Variants in BLTP1 observed in about 807,000 individuals in gnomAD.
BLTP1 encodes bridge-like lipid transfer protein family member 1, also known as fragile site-associated protein.
the BLTP1 span, chr4:122,226,784 A>G: frequency 1.2e-6 from 2 of 1,613,386 alleles, no homozygotes; most frequent in African/African-American, 1.3e-5. Flanking sequence ...AAAGACCGAA[A>G]TCAGTTATAA....
At chr4:122,249,713 G>A in the BLTP1 span, 3 of 1,612,018 alleles carry the variant, frequency 1.9e-6, no homozygotes, top group African/African-American at 2.7e-5. Flanking sequence ...TCTGCTTAAG[G>A]TGGGGACAAA....
At chr4:122,287,141 G>A in the BLTP1 span, among the ~76,000 whole-genome samples, 3 of 152,180 alleles carry the variant, frequency 2.0e-5, no homozygotes, top group African/African-American at 7.2e-5. Context: ...TAAATCCTAT[G>A]AGGTAGAAAT....
chr4:122,192,393 T>C, the BLTP1 span: 1 of 1,537,096 alleles, frequency 6.5e-7, no homozygotes, highest in Admixed American at 1.7e-5. Context: ...CTTGAGTATG[T>C]TATATTTCTA....
chr4:122,340,779 T>C, the BLTP1 span: 1 of 981,784 alleles, frequency 1.0e-6, no homozygotes, highest in Non-Finnish European at 1.2e-6. Flanking sequence ...GTAGTGTTGG[T>C]TTTTGAAAAA....
chr4:122,234,198 C>T, the BLTP1 span: 1 of 614,580 alleles, frequency 1.6e-6, no homozygotes, highest in Non-Finnish European at 2.0e-6. Flanking sequence ...ATTTTTAATA[C>T]TTTATTTGTA....
At chr4:122,175,771 G>A in the BLTP1 span, 3 of 917,840 alleles carry the variant, frequency 3.3e-6, no homozygotes, top group Non-Finnish European at 5.2e-6. Context: ...ATTATCAATT[G>A]GCTTCCTTTT....
At chr4:122,245,067 C>G in the BLTP1 span, 1 of 1,612,282 alleles carries the variant, frequency 6.2e-7, no homozygotes. Context: ...CATCCAGCTG[C>G]AATTGTAGAT....
At chr4:122,182,834 T>TA in the BLTP1 span, 8 of 984,762 alleles carry the variant, frequency 8.1e-6, no homozygotes, top group Non-Finnish European at 9.6e-6. Flanking sequence ...TTTCTTTTTT[T>TA]AAATCCCTCT....
At chr4:122,236,069 C>T in the BLTP1 span, among the ~76,000 whole-genome samples, 1 of 152,224 alleles carries the variant, frequency 6.6e-6, no homozygotes, top group East Asian at 1.9e-4. Context: ...TAGCCATTTC[C>T]CCTTAATTAA....
the BLTP1 span, chr4:122,357,081 A>G: frequency 3.1e-6 from 3 of 960,384 alleles, no homozygotes; most frequent in Non-Finnish European, 3.7e-6. Flanking sequence ...AGAAACAACT[A>G]CATAATAAAG....
chr4:122,247,160 G>C, the BLTP1 span: 1 of 1,602,224 alleles, frequency 6.2e-7, no homozygotes, highest in Non-Finnish European at 8.5e-7. Flanking sequence ...TCATAAAGAG[G>C]TGTGGTTGAA....
the BLTP1 span, chr4:122,328,063 G>T: frequency 4.3e-6 from 6 of 1,389,088 alleles, no homozygotes; most frequent in Non-Finnish European, 3.8e-6. Context: ...TTTTTTAATT[G>T]AAATATGAAT....
the BLTP1 span, chr4:122,318,003 T>C: frequency 7.2e-5 from 54 of 747,946 alleles, no homozygotes; most frequent in Non-Finnish European, 9.7e-5. Context: ...TCGCCAAATA[T>C]GAGTGTTAAG....
chr4:122,271,547 G>T, the BLTP1 span: 1 of 1,613,414 alleles, frequency 6.2e-7, no homozygotes, highest in Non-Finnish European at 8.5e-7. Flanking sequence ...AGGTTCAAAA[G>T]ATGTGGTGGA....
the BLTP1 span, chr4:122,272,458 C>G: frequency 2.0e-5 from 28 of 1,420,612 alleles, no homozygotes; most frequent in Non-Finnish European, 2.6e-5. Context: ...ATTAGTGCTA[C>G]TTCTCTGAAG....
At chr4:122,357,900 A>AT in the BLTP1 span, among the ~76,000 whole-genome samples, 4 of 152,346 alleles carry the variant, frequency 2.6e-5, no homozygotes, top group East Asian at 5.8e-4. Context: ...ATGTTGAAAG[A>AT]GTACAAAGGT....
At chr4:122,296,865 A>T in the BLTP1 span, among the ~76,000 whole-genome samples, 3 of 152,252 alleles carry the variant, frequency 2.0e-5, no homozygotes, top group African/African-American at 4.8e-5. Context: ...TTGGTTAGCC[A>T]TATGCAGAAA....
chr4:122,153,137 C>T, the BLTP1 span: 7 of 532,578 alleles, frequency 1.3e-5, no homozygotes, highest in Non-Finnish European at 1.7e-5. Flanking sequence ...GATTTTTCTT[C>T]CGGAGAGTAT....
the BLTP1 span, chr4:122,187,826 C>T: frequency 6.8e-7 from 1 of 1,467,040 alleles, no homozygotes; most frequent in Non-Finnish European, 9.0e-7. Context: ...ATTAGTTTAG[C>T]TAAAGAAAGA....
Sources: gnomAD v4.1 joint callset for allele counts (sites outside exome capture counted in the v4.1 genomes callset) on GRCh38, gnomAD v4.1.1 for gene constraint, MANE v1.5 for transcripts, NCBI Gene and HGNC (gene_info 2026-07-23, HGNC 2026-07-21) for gene names.